PTPRT: variants seen among roughly 807,000 people sequenced by gnomAD.
The protein encoded by PTPRT is receptor-type tyrosine-protein phosphatase T.
Under a neutral mutation model 176.8 loss-of-function variants are expected in PTPRT, and 56 were observed. That is an observed-to-expected ratio of 0.32 (90% CI 0.26 to 0.40). PTPRT has a LOEUF of 0.40. PTPRT is among the 10% of genes least tolerant of loss of function. The pLI is 1.00. For synonymous variants in PTPRT, 783 were observed against 739.0 expected (o/e 1.06, Z -0.96); for missense variants, 1,540 against 1,908.2 (o/e 0.81, Z 3.60).
intron 6 of PTPRT, among the ~76,000 whole-genome samples, chr20:42,725,013 G>A (rs962660711): frequency 4.5e-5 from 6 of 133,340 alleles, no homozygotes; most frequent in Middle Eastern, 3.6e-3. Flanking sequence ...CATCTTTTGT[G>A]TGTGTGTGTG....
chr20:43,037,446 T>C (rs1412097624), intron 1 of PTPRT, among the ~76,000 whole-genome samples: 1 of 152,182 alleles, frequency 6.6e-6, no homozygotes, highest in Non-Finnish European at 1.5e-5. Context: ...AACTGATGAT[T>C]CTGGTGCTTC....
At chr20:42,698,897 C>T (rs1048272848) in intron 6 of PTPRT, among the ~76,000 whole-genome samples, 3 of 151,612 alleles carry the variant, frequency 2.0e-5, no homozygotes, top group South Asian at 4.2e-4. Flanking sequence ...AAATAAATGG[C>T]CCTTCTTATC....
At chr20:42,721,432 G>A (rs539381265) in intron 6 of PTPRT, among the ~76,000 whole-genome samples, 3 of 152,296 alleles carry the variant, frequency 2.0e-5, no homozygotes, top group African/African-American at 7.2e-5. Flanking sequence ...ATGGAAGCGT[G>A]GTGGGTGGGC....
intron 7 of PTPRT, among the ~76,000 whole-genome samples, chr20:42,598,653 GCTAT>G (rs2073719378): frequency 6.6e-6 from 1 of 151,792 alleles, no homozygotes; most frequent in South Asian, 2.1e-4. Context: ...ACCAATTCCT[GCTAT>G]CTTTTTTTTA....
At chr20:42,697,443 C>A (rs1233301131) in intron 6 of PTPRT, among the ~76,000 whole-genome samples, 1 of 152,158 alleles carries the variant, frequency 6.6e-6, no homozygotes, top group Non-Finnish European at 1.5e-5. Context: ...ATCCTGATAT[C>A]AAGGAAGACA....
chr20:42,681,359 A>T (rs978358453), intron 6 of PTPRT, among the ~76,000 whole-genome samples: 2 of 152,196 alleles, frequency 1.3e-5, no homozygotes, highest in African/African-American at 4.8e-5. Context: ...AGTGATAACA[A>T]AGTGTAGTAA....
intron 1 of PTPRT, among the ~76,000 whole-genome samples, chr20:43,159,151 T>C (rs1555840193): frequency 6.6e-6 from 1 of 152,200 alleles, no homozygotes; most frequent in Non-Finnish European, 1.5e-5. Flanking sequence ...AGAGCTGAAC[T>C]CCACCAGGGC....
chr20:42,160,905 CAA>C (rs992583048), intron 17 of PTPRT, among the ~76,000 whole-genome samples: 63 of 152,176 alleles, frequency 4.1e-4, no homozygotes, highest in African/African-American at 1.5e-3. Flanking sequence ...GAGTATGAGA[CAA>C]GAGGTGACCA....
chr20:42,232,782 G>A (rs2146842189), intron 15 of PTPRT, among the ~76,000 whole-genome samples: 1 of 139,454 alleles, frequency 7.2e-6, no homozygotes, highest in Non-Finnish European at 1.5e-5. Context: ...GATCTTTCAG[G>A]TAGCCAGTAT....
chr20:42,892,977 G>A (rs1441484556), intron 1 of PTPRT, among the ~76,000 whole-genome samples: 1 of 152,160 alleles, frequency 6.6e-6, no homozygotes, highest in Admixed American at 6.5e-5. Context: ...TTCTCCTGGG[G>A]GCCACGGTGA....
In PTPRT at chr20:42,180,196, T is replaced by A. The variant is rs117420286; in HGVS notation, c.2492-18654A>T. Among the ~76,000 whole-genome samples the A allele has an allele frequency of 3.7e-4, 56 of 152,278 alleles. 1 individual carries two copies. The East Asian group carries it at 0.01, about 28-fold the overall frequency. On this transcript the variant is annotated intron_variant, in intron 16 of 30. Transcript: ENST00000373187. ...TTTACAATGGTACCTTCTGAAAGGA[T>A]CTAAATTTAGAGGAGAAGTCCATAT...
At chr20:42,589,034 C>T (rs2073522761) in intron 7 of PTPRT, among the ~76,000 whole-genome samples, 2 of 152,188 alleles carry the variant, frequency 1.3e-5, no homozygotes, top group African/African-American at 4.8e-5. Flanking sequence ...ATGACACATT[C>T]ATTAAAGGCT....
chr20:42,667,325 T>C (rs1255019566), intron 7 of PTPRT, among the ~76,000 whole-genome samples: 1 of 152,174 alleles, frequency 6.6e-6, no homozygotes, highest in Non-Finnish European at 1.5e-5. Flanking sequence ...GGAGGAATTA[T>C]ACCTCCCTCA....
chr20:42,729,790 T>A (rs531110194), intron 6 of PTPRT, among the ~76,000 whole-genome samples: 1 of 152,160 alleles, frequency 6.6e-6, no homozygotes, highest in Non-Finnish European at 1.5e-5. Flanking sequence ...CATGAAATCA[T>A]AGATAACCTG....
intron 18 of PTPRT, among the ~76,000 whole-genome samples, chr20:42,136,031 A>G (rs985442045): frequency 2.0e-5 from 3 of 151,952 alleles, no homozygotes; most frequent in African/African-American, 7.3e-5. Context: ...TCTTTCATAC[A>G]GTTCTAACTC....
chr20:42,123,260 C>G (rs908069295), intron 19 of PTPRT, among the ~76,000 whole-genome samples: 12 of 152,204 alleles, frequency 7.9e-5, no homozygotes, highest in Non-Finnish European at 1.3e-4. Flanking sequence ...AAGAGATTCA[C>G]ATTTTAGTTG....
intron 7 of PTPRT, among the ~76,000 whole-genome samples, chr20:42,554,275 C>T (rs1394726469): frequency 1.3e-5 from 2 of 151,928 alleles, no homozygotes; most frequent in Non-Finnish European, 1.5e-5. Flanking sequence ...GCACTTGTAC[C>T]CCCAAACCTA....
chr20:42,116,042 T>G, intron 21 of PTPRT: 1 of 723,604 alleles, frequency 1.4e-6, no homozygotes, highest in Non-Finnish European at 2.6e-6. Context: ...TGATTACCAT[T>G]CCGGGGGACG....
intron 16 of PTPRT, among the ~76,000 whole-genome samples, chr20:42,171,860 A>C (rs559567067): frequency 6.6e-6 from 1 of 152,298 alleles, no homozygotes; most frequent in Admixed American, 6.5e-5. Flanking sequence ...TATTTTCATA[A>C]TCCAAGGCAC....
Sources: gnomAD v4.1 joint callset for allele counts (sites outside exome capture counted in the v4.1 genomes callset) on GRCh38, gnomAD v4.1.1 for gene constraint, MANE v1.5 for transcripts, NCBI Gene and HGNC (gene_info 2026-07-23, HGNC 2026-07-21) for gene names.